The following NEDD4L variants were observed in gnomAD, a reference collection of about 807,000 sequenced individuals.
NEDD4L encodes the protein E3 ubiquitin-protein ligase NEDD4-like.
Under a neutral mutation model 148.9 loss-of-function variants are expected in NEDD4L, and 54 were observed. The observed-to-expected ratio is 0.36, with a 90% CI of 0.29 to 0.45. The LOEUF (loss-of-function observed/expected upper bound fraction) is 0.45. Among genes scored for constraint, NEDD4L ranks in the 20% least tolerant of loss-of-function variants. The pLI, the probability that NEDD4L is intolerant of heterozygous loss-of-function variation, is 1.00. For missense variants in NEDD4L, 856 were observed against 1,233.8 expected, an observed-to-expected ratio of 0.69 and a Z score of 4.59; for synonymous variants, 433 against 440.7, an observed-to-expected ratio of 0.98 and a Z score of 0.22.
chr18:58,370,605 C>T, intron 23 of NEDD4L, 138 bp downstream of exon 23: 2 of 681,584 alleles, frequency 2.9e-6, no homozygotes, highest in South Asian at 3.2e-5. Context: ...CATTTAATTG[C>T]TTGAAAAGTT....
At chr18:58,162,039 A>C (rs1029405521) in intron 1 of NEDD4L, among the ~76,000 whole-genome samples, 2 of 152,164 alleles carry the variant, frequency 1.3e-5, no homozygotes, top group Non-Finnish European at 2.9e-5. Context: ...ACTTTTCTTA[A>C]AAAAAGCTTA....
chr18:58,308,460 AAC>A (rs2057310433), intron 5 of NEDD4L, among the ~76,000 whole-genome samples: 1 of 152,234 alleles, frequency 6.6e-6, no homozygotes, highest in Non-Finnish European at 1.5e-5. Context: ...TGTGCCCCAG[AAC>A]CTGTAAGCAT....
intron 2 of NEDD4L, among the ~76,000 whole-genome samples, chr18:58,186,629 T>G (rs1393719734): frequency 6.6e-6 from 1 of 152,180 alleles, no homozygotes. Flanking sequence ...TCAATCACTC[T>G]TAGGAGGTAA....
At chr18:58,120,535 G>T (rs561380131) in intron 1 of NEDD4L, among the ~76,000 whole-genome samples, 2,674 of 152,126 alleles carry the variant, frequency 0.018, 71 homozygotes, top group African/African-American at 0.061. Context: ...ATCCCAGCAC[G>T]TTGGGAGGCT....
chr18:58,256,414 C>A lies in NEDD4L; in HGVS notation c.297+4360C>A. The A allele has an allele frequency of 8.1e-7, 1 of 1,232,306 alleles. No individual in the cohort carries two copies. The highest frequency in any genetic ancestry group is 1.0e-6 in the Non-Finnish European group (1 of 988,086). The allele number at this position is 1,232,306 out of a possible 1,614,324, so 76.3% of individuals were successfully genotyped here. ...AACAAGGCGCTTCGGGGCCAGGCAG[C>A]GACCTCAACTTTGGCTTCACGGGCA... is the stretch of plus-strand genomic sequence containing the variant. On this transcript the variant is annotated intron_variant, in intron 5 of 30. Transcript: ENST00000400345. This position sits in a 1 kb window ranked among gnomAD's most constrained non-coding sequence, Gnocchi z 5.2.
intron 1 of NEDD4L, chr18:58,149,461 T>C: frequency 6.5e-7 from 1 of 1,548,284 alleles, no homozygotes. Context: ...CCGCATACTC[T>C]TCAGAACTTG....
At chr18:58,096,097 A>G (rs189736413) in intron 1 of NEDD4L, among the ~76,000 whole-genome samples, 2 of 152,234 alleles carry the variant, frequency 1.3e-5, no homozygotes, top group East Asian at 3.9e-4. Context: ...GGAAAGGCTC[A>G]TCCATTAGGA....
At chr18:58,173,907 G>A (rs908487588) in intron 2 of NEDD4L, among the ~76,000 whole-genome samples, 3 of 152,114 alleles carry the variant, frequency 2.0e-5, no homozygotes, top group African/African-American at 7.2e-5. Context: ...TAATCGGTGG[G>A]TCTATTAAGA....
chr18:58,355,415 G>A (rs888934697), intron 18 of NEDD4L, among the ~76,000 whole-genome samples: 2 of 152,214 alleles, frequency 1.3e-5, no homozygotes, highest in African/African-American at 2.4e-5. Flanking sequence ...TTAAGCTGAA[G>A]TACTTACGGG....
intron 5 of NEDD4L, among the ~76,000 whole-genome samples, chr18:58,258,075 C>T (rs2048839437): frequency 6.6e-6 from 1 of 152,198 alleles, no homozygotes; most frequent in Non-Finnish European, 1.5e-5. Context: ...TTTGAAGATA[C>T]AATCAGATGC....
chr18:58,372,844 AAAAG>A (rs1268867588), intron 23 of NEDD4L, among the ~76,000 whole-genome samples: 9 of 138,190 alleles, frequency 6.5e-5, no homozygotes, highest in African/African-American at 2.6e-4. Context: ...AAAAAAAAAA[AAAAG>A]AGAGAGAGAA....
intron 2 of NEDD4L, among the ~76,000 whole-genome samples, chr18:58,241,421 GC>G (rs1333796277): frequency 6.6e-6 from 1 of 152,210 alleles, no homozygotes; most frequent in Non-Finnish European, 1.5e-5. Flanking sequence ...CCCAGCTCCA[GC>G]CTATCACTGG....
Position 58,216,585 on chromosome 18 carries a change from C to T in NEDD4L, c.123-28842C>T, listed in dbSNP as rs75335879. On this transcript the variant is annotated intron_variant, in intron 2 of 30. Transcript: ENST00000400345. ...GGAGCCCTTAGGATCTGTTGATTGA[C>T]TGGATGTGTAAGAGAGAAAGGGAAG... 5.4e-3 allele frequency among the ~76,000 whole-genome samples: 824 copies of T among 152,214 alleles called. 5 individuals carry two copies. The highest frequency in any genetic ancestry group is 8.4e-3 in the Non-Finnish European group (571 of 68,010).
chr18:58,217,927 C>T (rs939340707), intron 2 of NEDD4L, among the ~76,000 whole-genome samples: 2 of 152,070 alleles, frequency 1.3e-5, no homozygotes, highest in Non-Finnish European at 2.9e-5. Flanking sequence ...TTTTTAAAAA[C>T]GTACTTTTCG....
At chr18:58,373,401 A>C in intron 24 of NEDD4L, 132 bp downstream of exon 24, 5 of 632,262 alleles carry the variant, frequency 7.9e-6, no homozygotes, top group East Asian at 2.8e-5. Flanking sequence ...TTTTCATCTC[A>C]TTGTAGCAGC....
chr18:58,369,486 C>G (rs1287607979), intron 22 of NEDD4L, among the ~76,000 whole-genome samples: 1 of 50,306 alleles, frequency 2.0e-5, no homozygotes, highest in Non-Finnish European at 4.1e-5. Context: ...GGGAATGTCC[C>G]TGTCGGCAGG....
At chr18:58,194,216 G>A (rs2040421878) in intron 2 of NEDD4L, 1 of 152,240 alleles carries the variant, frequency 6.6e-6, no homozygotes, top group African/African-American at 2.4e-5. Flanking sequence ...TGCTACAGAG[G>A]AGATGGGAGA....
At chr18:58,176,964 A>G (rs530042930) in intron 2 of NEDD4L, among the ~76,000 whole-genome samples, 1 of 152,298 alleles carries the variant, frequency 6.6e-6, no homozygotes, top group East Asian at 1.9e-4. Flanking sequence ...AAATTAAATT[A>G]AAAAGCTGCT....
intron 1 of NEDD4L, chr18:58,045,312 G>A: frequency 2.5e-6 from 1 of 395,718 alleles, no homozygotes; most frequent in East Asian, 3.6e-5. Context: ...TGGGGGAGGT[G>A]TTCAAGGCTG....
Sources: gnomAD v4.1 joint callset for allele counts (sites outside exome capture counted in the v4.1 genomes callset) on GRCh38, gnomAD v4.1.1 for gene constraint, Gnocchi (gnomAD v3.1) non-coding constraint, MANE v1.5 for transcripts, NCBI Gene and HGNC (gene_info 2026-07-23, HGNC 2026-07-21) for gene names.